USP24: variants seen among roughly 807,000 people sequenced by gnomAD.
The protein encoded by USP24 is ubiquitin specific peptidase 24, also known as ubiquitin carboxyl-terminal hydrolase 24.
A neutral mutation model predicts 361.6 loss-of-function variants in USP24; 97 were observed. The observed-to-expected ratio is 0.27, with a 90% CI of 0.23 to 0.32. The LOEUF (loss-of-function observed/expected upper bound fraction) is 0.32. USP24 is among the 10% of genes least tolerant of loss of function. USP24 has a pLI of 1.00. For missense variants in USP24, 2,353 were observed against 3,165.6 expected, an observed-to-expected ratio of 0.74 and a Z score of 6.16; for synonymous variants, 1,098 against 1,124.6, an observed-to-expected ratio of 0.98 and a Z score of 0.47.
intron 42 of USP24, among the ~76,000 whole-genome samples, chr1:55,102,972 T>G (rs1276169475): frequency 6.6e-6 from 1 of 152,194 alleles, no homozygotes; most frequent in African/African-American, 2.4e-5. Flanking sequence ...TGTCCCCACT[T>G]CCTTTCCTAC....
Position 55,097,722 on chromosome 1 carries a change from A to AG in USP24, c.5596-6dup. ...GGTCCTTTTCACTGTTATTCTCTAA[A>AG]GAAAAAAAAAAGGAAAAAGAGCAAA... On this transcript the variant is annotated splice_polypyrimidine_tract_variant and splice_region_variant and intron_variant, in intron 47 of 67. Coordinates refer to ENST00000294383, the MANE Select transcript of USP24 (RefSeq NM_015306.3). 6.5e-7 allele frequency: 1 copy of AG among 1,531,656 alleles called. No homozygotes were observed. 94.9% of individuals were successfully genotyped at this position (1,531,656 alleles called of 1,614,324 possible).
At chr1:55,160,927 T>C (rs1648208700) in intron 8 of USP24, among the ~76,000 whole-genome samples, 1 of 152,206 alleles carries the variant, frequency 6.6e-6, no homozygotes, top group Non-Finnish European at 1.5e-5. Context: ...ATGAAATTAA[T>C]GATATTTATA....
intron 26 of USP24, among the ~76,000 whole-genome samples, chr1:55,138,330 C>A (rs963700504): frequency 6.6e-6 from 1 of 152,120 alleles, no homozygotes; most frequent in African/African-American, 2.4e-5. Flanking sequence ...CCATCTTTAC[C>A]TAAAATATTT....
chr1:55,098,511 G>A lies in USP24; in HGVS notation c.5418C>T (p.Tyr1806=), dbSNP rs757022461. The part of the protein sequence containing the change: ...QIFKNTFQGI[Y]SDQKICKDCP... ...AGTCTTTACAGATCTTCTGATCAGAGTAGATGCCCTGAAATGTATTCTTAA... is the reference window on the plus strand; with the variant it reads ...AGTCTTTACAGATCTTCTGATCAGAATAGATGCCCTGAAATGTATTCTTAA... The change falls in exon 46 of 68, where the codon TAC becomes TAT. Residue 1806 remains tyrosine (Y), a synonymous_variant. Coordinates refer to ENST00000294383, the MANE Select transcript of USP24 (RefSeq NM_015306.3). 2.5e-6 allele frequency: 4 copies of A among 1,613,124 alleles called. No homozygotes were observed. Among genetic ancestry groups the A allele is most frequent in the Non-Finnish European group, 3.4e-6 (4 of 1,179,450 alleles).
intron 63 of USP24, among the ~76,000 whole-genome samples, chr1:55,074,145 A>T (rs1195397006): frequency 5.9e-5 from 9 of 151,522 alleles, no homozygotes; most frequent in Non-Finnish European, 1.5e-5. Context: ...CAAAAAAAAC[A>T]TACATGGTGC....
chr1:55,091,938 CA>C (rs754943598), intron 54 of USP24, 84 bp downstream of exon 54: 11 of 1,056,764 alleles, frequency 1.0e-5, no homozygotes, highest in Non-Finnish European at 1.4e-5. Flanking sequence ...GCTGCTTTCA[CA>C]ATATTTTAAT....
At chr1:55,129,640 T>C (rs1646535255) in intron 31 of USP24, 66 bp from the exon 32 acceptor site, 7 of 1,308,770 alleles carry the variant, frequency 5.3e-6, no homozygotes, top group South Asian at 1.3e-5. Context: ...CTTTACTAAA[T>C]AAAACATTCA....
chr1:55,072,542 G>T, intron 65 of USP24, 139 bp from the exon 66 acceptor site: 1 of 774,036 alleles, frequency 1.3e-6, no homozygotes, highest in African/African-American at 1.8e-5. Context: ...CACATAAAGC[G>T]ATTCAAGACC....
intron 56 of USP24, among the ~76,000 whole-genome samples, chr1:55,084,209 G>C (rs1054967507): frequency 1.3e-5 from 2 of 152,076 alleles, no homozygotes; most frequent in African/African-American, 4.8e-5. Context: ...AAAAAGGTGG[G>C]GTGTTTAGGG....
intron 40 of USP24, 114 bp downstream of exon 40, chr1:55,107,125 G>A: frequency 7.9e-7 from 1 of 1,272,856 alleles, no homozygotes. Context: ...CTGTGTGAAG[G>A]GTCAATTTTC....
At chr1:55,091,897 C>A (rs1307135606) in intron 54 of USP24, 126 bp downstream of exon 54, 4 of 662,682 alleles carry the variant, frequency 6.0e-6, no homozygotes, top group East Asian at 5.8e-5. Flanking sequence ...AGCTAGAGAC[C>A]ATGTCTTAGT....
At chr1:55,138,920 T>C in intron 25 of USP24, 24 bp downstream of exon 25, 1 of 1,607,094 alleles carries the variant, frequency 6.2e-7, no homozygotes, top group Non-Finnish European at 8.5e-7. Context: ...GCAACATACA[T>C]CTTAAAAAAA....
chr1:55,116,766 CAATATTTAAAG>C (rs916081716), intron 38 of USP24, among the ~76,000 whole-genome samples: 1 of 151,610 alleles, frequency 6.6e-6, no homozygotes, highest in African/African-American at 2.4e-5. Flanking sequence ...TGAATTCTAC[CAATATTTAAAG>C]AATTACCACC....
intron 20 of USP24, 35 bp from the exon 21 acceptor site, chr1:55,144,238 T>C (rs1343989268): frequency 2.9e-6 from 4 of 1,389,332 alleles, no homozygotes; most frequent in Non-Finnish European, 4.0e-6. Context: ...ATTCATGTAC[T>C]CTACGTAACA....
At chr1:55,183,888 C>T (rs1194518601) in intron 1 of USP24, among the ~76,000 whole-genome samples, 2 of 152,044 alleles carry the variant, frequency 1.3e-5, no homozygotes, top group Non-Finnish European at 2.9e-5. Flanking sequence ...GAAACTAAGA[C>T]ACTTCATAAT....
intron 59 of USP24, among the ~76,000 whole-genome samples, 178 bp downstream of exon 59, chr1:55,081,144 A>T (rs1645141293): frequency 6.6e-6 from 1 of 152,196 alleles, no homozygotes; most frequent in African/African-American, 2.4e-5. Flanking sequence ...ACTTTCTCTT[A>T]TGGCAAACTA....
chr1:55,121,454 G>A lies in USP24; in HGVS notation c.4329C>T (p.Leu1443=), dbSNP rs775311141. 1.4e-5 allele frequency: 23 copies of A among 1,613,420 alleles called. No homozygotes were observed. The highest frequency in any genetic ancestry group is 8.3e-5 in the Admixed American group (5 of 59,906). The change falls in exon 37 of 68, where the codon CTC becomes CTT. Residue 1443 remains leucine (L), a synonymous_variant. Transcript: ENST00000294383. ...CVADFIIDIL[L]GSPSAEIRRV... ...TCCTTACCTCAGCACTTGGTGATCC[G>A]AGCAGAATATCAATGATGAAATCAG...
chr1:55,072,445 A>G, intron 65 of USP24, 42 bp from the exon 66 acceptor site: 1 of 1,515,160 alleles, frequency 6.6e-7, no homozygotes, highest in Non-Finnish European at 9.1e-7. Flanking sequence ...GTGACAAATA[A>G]GCCCCCATGG....
intron 41 of USP24, among the ~76,000 whole-genome samples, chr1:55,105,804 G>C (rs1219478192): frequency 6.6e-6 from 1 of 152,208 alleles, no homozygotes; most frequent in African/African-American, 2.4e-5. Context: ...TTTCTCCTGA[G>C]AAACCTTCAA....
Sources: gnomAD v4.1 joint callset for allele counts (sites outside exome capture counted in the v4.1 genomes callset) on GRCh38, gnomAD v4.1.1 for gene constraint, MANE v1.5 for transcripts, NCBI Gene and HGNC (gene_info 2026-07-23, HGNC 2026-07-21) for gene names.